Variants in SFI1 observed in about 807,000 individuals in gnomAD.
The protein encoded by SFI1 is protein SFI1 homolog.
Under a neutral mutation model 207.5 loss-of-function variants are expected in SFI1, and 195 were observed. That is an observed-to-expected ratio of 0.94 (90% CI 0.84 to 1.06). The LOEUF (loss-of-function observed/expected upper bound fraction) is 1.06, where lower values mean the gene tolerates loss of function less well. Ranked by LOEUF, SFI1 falls within the 50% of genes least tolerant of loss-of-function variation. The probability of loss-of-function intolerance (pLI) is 0.00; values close to 1 mark genes in which losing one functional copy is unlikely to be tolerated. For missense variants in SFI1, 1,634 were observed against 1,588.0 expected (o/e 1.03, Z -0.49); for synonymous variants, 630 against 598.9 (o/e 1.05, Z -0.76).
In SFI1 at chr22:31,617,371, A is replaced by G. The variant is rs566706234; in HGVS notation, c.3512+293A>G. ...GGACGATAAAGTTGAGCAAAACTCT[A>G]AAAACCCGATGAGGCCATGCTGTCC... is the stretch of plus-strand genomic sequence containing the variant. On this transcript the variant is annotated intron_variant, in intron 31 of 32. Coordinates refer to ENST00000400288, the MANE Select transcript of SFI1 (RefSeq NM_001007467.3). Among the ~76,000 whole-genome samples, 16 of 152,210 alleles carry G rather than the reference A, an allele frequency of 1.1e-4. No individual in the cohort carries two copies. The South Asian group carries it at 3.1e-3, about 30-fold the overall frequency.
rs1474282211 is a variant in SFI1, at chr22:31,592,981, G to A, written c.1544+3404G>A. On this transcript the variant is annotated intron_variant, in intron 15 of 32. Transcript: ENST00000400288. ...CCGGACGGGGCGGCTGGCCGGGCGG[G>A]GGGCTGACCCCCCCACCTCCCTCCC... is the stretch of plus-strand genomic sequence containing the variant. 1.2e-4 allele frequency among the ~76,000 whole-genome samples: 14 copies of A among 119,430 alleles called. 1 individual carries two copies. Among genetic ancestry groups the A allele is most frequent in the Non-Finnish European group, 1.6e-4 (9 of 56,204 alleles). The allele number at this position is 119,430 out of a possible 152,430, so 78.4% of individuals were successfully genotyped here.
At chr22:31,612,382 A>AGG (rs2070357391) in intron 24 of SFI1, 18 of 88,330 alleles carry the variant, frequency 2.0e-4, no homozygotes, top group Non-Finnish European at 3.2e-4. Context: ...TCTGTCTAAA[A>AGG]AAAAAAAAAA....
chr22:31,547,631 G>GT (rs1157165421), intron 5 of SFI1, among the ~76,000 whole-genome samples: 1 of 132,464 alleles, frequency 7.5e-6, no homozygotes, highest in Non-Finnish European at 1.6e-5. Context: ...GTTTTTTTTT[G>GT]TTTTTGAGAT....
chr22:31,588,221 C>T (rs921432240), intron 14 of SFI1, among the ~76,000 whole-genome samples: 5 of 152,204 alleles, frequency 3.3e-5, no homozygotes, highest in Non-Finnish European at 5.9e-5. Flanking sequence ...GACTCAAAGA[C>T]TGGGCTCAAC....
intron 1 of SFI1, among the ~76,000 whole-genome samples, chr22:31,506,015 G>T (rs2054576097): frequency 6.6e-6 from 1 of 151,790 alleles, no homozygotes; most frequent in African/African-American, 2.4e-5. Context: ...TTGCACTGCT[G>T]CATTCCAGCC....
At chr22:31,563,168 A>AT (rs2148324451) in intron 8 of SFI1, among the ~76,000 whole-genome samples, 1 of 151,572 alleles carries the variant, frequency 6.6e-6, no homozygotes, top group African/African-American at 2.4e-5. Context: ...AATTTTTTGT[A>AT]TTTTAGTAGT....
intron 7 of SFI1, among the ~76,000 whole-genome samples, chr22:31,560,284 A>G (rs546812913): frequency 6.6e-6 from 1 of 152,176 alleles, no homozygotes; most frequent in African/African-American, 2.4e-5. Context: ...GACTGAAACA[A>G]AAGTCTGACC....
Position 31,616,849 on chromosome 22 carries a change from C to G in SFI1, c.3405C>G (p.Thr1135=), listed in dbSNP as rs1302691581. The change falls in exon 30 of 33, where the codon ACC becomes ACG. Residue 1135 remains threonine (T), a synonymous_variant. Coordinates refer to ENST00000400288, the MANE Select transcript of SFI1 (RefSeq NM_001007467.3). ...HLLLPGDFSA[T]RAGPGLSTAG... ...TCCTTCCTGGGGACTTCTCAGCCAC[C>G]AGGGCTGGGCCTGGACTTTCAACTG... 1.9e-6 allele frequency: 3 copies of G among 1,612,604 alleles called. No homozygotes were observed. The Admixed American group carries it at 5.0e-5, about 27-fold the overall frequency.
chr22:31,610,534 A>G (rs945540174), intron 22 of SFI1, among the ~76,000 whole-genome samples: 2 of 152,198 alleles, frequency 1.3e-5, no homozygotes, highest in Non-Finnish European at 2.9e-5. Context: ...TGTTGTCTCA[A>G]AAAGAAAGTT....
chr22:31,611,306 G>A lies in SFI1; in HGVS notation c.2415+3G>A. On this transcript the variant is annotated splice_donor_region_variant and intron_variant, in intron 23 of 32. Coordinates refer to ENST00000400288, the MANE Select transcript of SFI1 (RefSeq NM_001007467.3). ...ATCTGCAGTGTGTCAGGAAGAGGGT[G>A]AGGCTGACGGTGGCAACTCTCCAAG... 6.3e-7 allele frequency: 1 copy of A among 1,586,930 alleles called. No homozygotes were observed. Among genetic ancestry groups the A allele is most frequent in the Non-Finnish European group, 8.6e-7 (1 of 1,163,566 alleles).
chr22:31,601,140 T>C (rs1276746436), intron 15 of SFI1, among the ~76,000 whole-genome samples: 1 of 148,710 alleles, frequency 6.7e-6, no homozygotes, highest in Non-Finnish European at 1.5e-5. Flanking sequence ...TTTTTTTTTT[T>C]TTTTTTTTTT....
At chr22:31,500,286 A>T (rs1164278971) in intron 1 of SFI1, among the ~76,000 whole-genome samples, 1 of 151,410 alleles carries the variant, frequency 6.6e-6, no homozygotes, top group East Asian at 1.9e-4. Context: ...TCAAAAAAAA[A>T]AAAAAAAAAA....
rs184362539 is a variant in SFI1, at chr22:31,528,857, G to A, written c.260G>A (p.Arg87His). ...CGACAGGGCCGGTTAAGAGAACTGC[G>A]CATCAGGTGAGCTTATGAGTGGCCA... Reference protein sequence around the residue: ...CTRQGRLRELRIRCVARKFLY... With the variant: ...CTRQGRLRELHIRCVARKFLY... The change falls in exon 3 of 33, where the codon CGC becomes CAC. Residue 87 changes from arginine to histidine, a missense_variant. Transcript: ENST00000400288. 1.7e-5 allele frequency: 27 copies of A among 1,612,778 alleles called. No homozygotes were observed. Among genetic ancestry groups the A allele is most frequent in the African/African-American group, 8.0e-5 (6 of 74,898 alleles).
chr22:31,528,243 G>C (rs762930017), intron 2 of SFI1, among the ~76,000 whole-genome samples: 2 of 152,002 alleles, frequency 1.3e-5, no homozygotes, highest in African/African-American at 2.4e-5. Flanking sequence ...AACACAGTGA[G>C]ACCTCATCTC....
chr22:31,549,499 A>C (rs954420267), intron 5 of SFI1, among the ~76,000 whole-genome samples: 1 of 151,558 alleles, frequency 6.6e-6, no homozygotes, highest in Non-Finnish European at 1.5e-5. Context: ...TGAGTAGCTG[A>C]GACTACAGGC....
At chr22:31,591,567 C>T (rs1294176210) in intron 15 of SFI1, among the ~76,000 whole-genome samples, 2 of 140,750 alleles carry the variant, frequency 1.4e-5, no homozygotes, top group Non-Finnish European at 3.1e-5. Flanking sequence ...CCCCTCACCT[C>T]CCGGACGGGG....
intron 4 of SFI1, among the ~76,000 whole-genome samples, chr22:31,543,763 T>A (rs1157950063): frequency 1.4e-5 from 2 of 143,886 alleles, no homozygotes; most frequent in East Asian, 4.1e-4. Context: ...TGAGCCAAGA[T>A]CGCGCCACTG....
At chr22:31,542,079 T>C (rs528111124) in intron 4 of SFI1, among the ~76,000 whole-genome samples, 28 of 128,634 alleles carry the variant, frequency 2.2e-4, no homozygotes, top group East Asian at 2.3e-4. Flanking sequence ...CCAGCCTGGG[T>C]GACAGAGTGA....
intron 2 of SFI1, among the ~76,000 whole-genome samples, chr22:31,522,604 G>C (rs543294327): frequency 6.6e-6 from 1 of 152,176 alleles, no homozygotes; most frequent in South Asian, 2.1e-4. Context: ...TTCCATTTGT[G>C]TCTGGCTTAT....
Sources: allele counts gnomAD v4.1 joint callset (sites outside exome capture counted in the v4.1 genomes callset), GRCh38; gene constraint gnomAD v4.1.1; transcripts MANE v1.5; gene names NCBI Gene and HGNC (gene_info 2026-07-23, HGNC 2026-07-21).